The following RHOU variants were observed in gnomAD, a reference collection of about 807,000 sequenced individuals.
RHOU encodes ras homolog family member U.
Under a neutral mutation model 12.6 loss-of-function variants are expected in RHOU, and 8 were observed. The ratio of observed to expected loss-of-function variants is 0.64; its 90% confidence interval spans 0.37 to 1.15. RHOU has a LOEUF of 1.15. Among genes scored for constraint, RHOU ranks in the 50% most tolerant of loss-of-function variants. The probability of loss-of-function intolerance (pLI) is 0.01; values close to 1 mark genes in which losing one functional copy is unlikely to be tolerated. For missense variants in RHOU, 258 were observed against 347.0 expected, an observed-to-expected ratio of 0.74 and a Z score of 2.04; for synonymous variants, 161 against 147.4, an observed-to-expected ratio of 1.09 and a Z score of -0.67.
At chr1:228,715,832 A>ATT in the RHOU span, among the ~76,000 whole-genome samples, 42 of 148,550 alleles carry the variant, frequency 2.8e-4, no homozygotes, top group South Asian at 1.5e-3. Context: ...ATTGTGGTGG[A>ATT]TTTTTTTTTG....
intron 2 of RHOU, among the ~76,000 whole-genome samples, chr1:228,739,771 C>T (rs960207336): frequency 7.2e-5 from 11 of 152,210 alleles, no homozygotes; most frequent in Non-Finnish European, 1.0e-4. Context: ...CTGGGCTCCC[C>T]GTAAGTGTTG....
At chr1:228,673,736 C>T in the RHOU span, among the ~76,000 whole-genome samples, 1 of 152,162 alleles carries the variant, frequency 6.6e-6, no homozygotes, top group Non-Finnish European at 1.5e-5. Context: ...ATAGCATGCA[C>T]AATTGTGAGC....
At chr1:228,713,384 G>A in the RHOU span, among the ~76,000 whole-genome samples, 11 of 152,276 alleles carry the variant, frequency 7.2e-5, no homozygotes, top group South Asian at 2.1e-4. Context: ...AATATGTGGC[G>A]GTTTCAGTGC....
the RHOU span, among the ~76,000 whole-genome samples, chr1:228,677,613 G>T: frequency 1.4e-3 from 219 of 152,270 alleles, 2 homozygotes; most frequent in Middle Eastern, 0.027. Flanking sequence ...AGGAGAGAGT[G>T]AATTTGATAG....
chr1:228,682,177 G>A, the RHOU span, among the ~76,000 whole-genome samples: 1 of 152,218 alleles, frequency 6.6e-6, no homozygotes. Context: ...GGTAGGGAGA[G>A]AGGCTGGAGA....
At chr1:228,712,733 C>T in the RHOU span, among the ~76,000 whole-genome samples, 4 of 150,224 alleles carry the variant, frequency 2.7e-5, no homozygotes, top group East Asian at 3.9e-4. Flanking sequence ...GTGGGTGCAG[C>T]GCACCACCAT....
chr1:228,709,014 C>G, the RHOU span, among the ~76,000 whole-genome samples: 1 of 152,084 alleles, frequency 6.6e-6, no homozygotes, highest in Non-Finnish European at 1.5e-5. Flanking sequence ...CAATCCTAGT[C>G]TCTGATAAAA....
the RHOU span, among the ~76,000 whole-genome samples, chr1:228,719,386 C>T: frequency 3.3e-5 from 5 of 152,146 alleles, no homozygotes; most frequent in African/African-American, 9.7e-5. Context: ...TATATTATCA[C>T]ACTAATCAAG....
At chr1:228,716,798 T>C in the RHOU span, among the ~76,000 whole-genome samples, 3 of 151,832 alleles carry the variant, frequency 2.0e-5, no homozygotes. Context: ...CTGGTCACAA[T>C]CACGCATCAA....
At chr1:228,676,140 C>CTT in the RHOU span, among the ~76,000 whole-genome samples, 63 of 145,678 alleles carry the variant, frequency 4.3e-4, no homozygotes, top group Non-Finnish European at 7.2e-4. Flanking sequence ...CGCCCCCCCC[C>CTT]TTTTTTTTTT....
At chr1:228,682,775 A>G in the RHOU span, among the ~76,000 whole-genome samples, 20 of 152,216 alleles carry the variant, frequency 1.3e-4, no homozygotes, top group Non-Finnish European at 1.9e-4. Flanking sequence ...ACCACCATCC[A>G]TCGTCATTGC....
the RHOU span, among the ~76,000 whole-genome samples, chr1:228,653,117 G>T: frequency 2.0e-5 from 3 of 152,182 alleles, no homozygotes; most frequent in Admixed American, 6.5e-5. Flanking sequence ...AAAGTCTAAA[G>T]TCTGTCTTGA....
At chr1:228,715,262 G>A in the RHOU span, among the ~76,000 whole-genome samples, 1 of 151,562 alleles carries the variant, frequency 6.6e-6, no homozygotes, top group South Asian at 2.1e-4. Context: ...TATGGTTACT[G>A]CTTTAAATAA....
chr1:228,732,218 C>T (rs904047453), upstream of RHOU, among the ~76,000 whole-genome samples: 3 of 152,158 alleles, frequency 2.0e-5, no homozygotes, highest in African/African-American at 7.2e-5. Context: ...CCACGTGCTT[C>T]TAAGTGTGGG....
the RHOU span, among the ~76,000 whole-genome samples, chr1:228,656,435 T>C: frequency 2.6e-5 from 4 of 152,364 alleles, no homozygotes; most frequent in South Asian, 4.1e-4. Context: ...AAAAATACCA[T>C]TCACTTTTTG....
At chr1:228,739,303 C>T (rs1418989116) in intron 2 of RHOU, among the ~76,000 whole-genome samples, 6 of 152,072 alleles carry the variant, frequency 3.9e-5, no homozygotes, top group South Asian at 2.1e-4. Flanking sequence ...CGGTTGCTCA[C>T]GCCTGTAATC....
chr1:228,681,300 T>C, the RHOU span, among the ~76,000 whole-genome samples: 1 of 150,690 alleles, frequency 6.6e-6, no homozygotes, highest in African/African-American at 2.4e-5. Context: ...GGAAGGGGAG[T>C]TAATAGAAGG....
the RHOU span, among the ~76,000 whole-genome samples, chr1:228,674,256 T>C: frequency 6.6e-6 from 1 of 152,240 alleles, no homozygotes. Context: ...AAACACATTC[T>C]CTTGTCATTT....
At position 228,735,712 on chromosome 1, in the gene RHOU, C is replaced by A. The variant is rs1211574494; in HGVS notation, c.-31C>A. The A allele has an allele frequency of 8.3e-7, 1 of 1,199,126 alleles. No individual in the cohort carries two copies. Among genetic ancestry groups the A allele is most frequent in the Non-Finnish European group, 1.0e-6 (1 of 967,178 alleles). 74.3% of individuals were successfully genotyped at this position (1,199,126 alleles called of 1,614,324 possible). A position where few individuals can be genotyped will look rare whatever the true frequency, so the allele number is the denominator to read the frequency against. ...GGGCGGTCGGGCCGGGCCCTGCTAG[C>A]CCGCGACCGCAAGCCCGCGCTCGCG... On this transcript the variant is annotated 5_prime_UTR_variant, in exon 1 of 3. Coordinates refer to ENST00000366691, the MANE Select transcript of RHOU (RefSeq NM_021205.6). This position sits in a 1 kb window ranked among gnomAD's most constrained non-coding sequence, Gnocchi z 8.1.
Sources: gnomAD v4.1 joint callset for allele counts (sites outside exome capture counted in the v4.1 genomes callset) on GRCh38, gnomAD v4.1.1 for gene constraint, Gnocchi (gnomAD v3.1) non-coding constraint, MANE v1.5 for transcripts, NCBI Gene and HGNC (gene_info 2026-07-23, HGNC 2026-07-21) for gene names.